The following HHAT variants were observed in gnomAD, a reference collection of about 807,000 sequenced individuals.
The protein encoded by HHAT is protein-cysteine N-palmitoyltransferase HHAT.
Under a neutral mutation model 70.8 loss-of-function variants are expected in HHAT, and 47 were observed. The ratio of observed to expected loss-of-function variants is 0.66; its 90% CI spans 0.53 to 0.85. The LOEUF is 0.85. Among genes scored for constraint, HHAT ranks in the 40% least tolerant of loss-of-function variants. The pLI is 0.00. For synonymous variants in HHAT, 228 were observed against 247.6 expected, an observed-to-expected ratio of 0.92 and a Z score of 0.74; for missense variants, 609 against 604.8, an observed-to-expected ratio of 1.01 and a Z score of -0.07.
At chr1:210,372,537 G>A (rs903427981) in intron 3 of HHAT, among the ~76,000 whole-genome samples, 1 of 152,124 alleles carries the variant, frequency 6.6e-6, no homozygotes, top group Admixed American at 6.6e-5. Flanking sequence ...CATTAGGTAG[G>A]GAAGTACAAA....
chr1:210,547,246 A>C (rs1034440287), intron 9 of HHAT, among the ~76,000 whole-genome samples: 3 of 152,160 alleles, frequency 2.0e-5, no homozygotes, highest in Non-Finnish European at 2.9e-5. Context: ...GAATTGCTTG[A>C]ACCCGGGAGG....
At chr1:210,559,855 G>A (rs2095605561) in intron 9 of HHAT, among the ~76,000 whole-genome samples, 1 of 152,326 alleles carries the variant, frequency 6.6e-6, no homozygotes, top group East Asian at 1.9e-4. Flanking sequence ...CAGTGTATCA[G>A]ACTCTATTAT....
chr1:210,435,706 G>T lies in HHAT; in HGVS notation c.856+17381G>T, dbSNP rs117174196. On this transcript the variant is annotated intron_variant, in intron 7 of 11. Transcript: ENST00000261458. ...CATTGTGGCTTTGATTTGCATTTCT[G>T]TAATGATTAGTTATGTTGAACACTT... Among the ~76,000 whole-genome samples the T allele has an allele frequency of 3.2e-4, 48 of 151,850 alleles. No homozygotes were observed. In the East Asian group the frequency reaches 8.7e-3, roughly 27 times the overall value.
At chr1:210,383,086 TC>T (rs1188972765) in intron 3 of HHAT, among the ~76,000 whole-genome samples, 1 of 152,118 alleles carries the variant, frequency 6.6e-6, no homozygotes, top group African/African-American at 2.4e-5. Flanking sequence ...ATGCCTGTAA[TC>T]CCAGCACTTT....
chr1:210,545,197 C>T (rs1303314850), intron 9 of HHAT, among the ~76,000 whole-genome samples: 3 of 152,140 alleles, frequency 2.0e-5, no homozygotes, highest in Non-Finnish European at 4.4e-5. Flanking sequence ...TAAAATTCTC[C>T]TTGTTCAGGC....
At chr1:210,377,020 A>T (rs2090279962) in intron 3 of HHAT, among the ~76,000 whole-genome samples, 1 of 152,218 alleles carries the variant, frequency 6.6e-6, no homozygotes, top group African/African-American at 2.4e-5. Context: ...TGTTCTGTAC[A>T]AATCAGCTTT....
At chr1:210,354,158 T>G (rs2087351888) in intron 2 of HHAT, among the ~76,000 whole-genome samples, 1 of 151,774 alleles carries the variant, frequency 6.6e-6, no homozygotes, top group Non-Finnish European at 1.5e-5. Context: ...GTATATGATG[T>G]GATATTTTTT....
At chr1:210,377,108 A>G (rs368896501) in intron 3 of HHAT, among the ~76,000 whole-genome samples, 1 of 152,184 alleles carries the variant, frequency 6.6e-6, no homozygotes, top group Non-Finnish European at 1.5e-5. Flanking sequence ...GTGGCCCCCA[A>G]CAGGCTGGGG....
At chr1:210,418,125 T>C (rs757275537) in intron 6 of HHAT, 29 bp from the exon 7 acceptor site, 2 of 1,611,714 alleles carry the variant, frequency 1.2e-6, no homozygotes, top group African/African-American at 1.3e-5. Context: ...CAAGGCACCA[T>C]CGAATGACCT....
chr1:210,332,357 AT>A (rs1189530903), intron 1 of HHAT, among the ~76,000 whole-genome samples: 1 of 152,268 alleles, frequency 6.6e-6, no homozygotes, highest in Non-Finnish European at 1.5e-5. Context: ...ATCTTCATGT[AT>A]ATCCTCCTGA....
chr1:210,366,902 C>G (rs2089039445), intron 3 of HHAT, among the ~76,000 whole-genome samples: 1 of 152,212 alleles, frequency 6.6e-6, no homozygotes, highest in Non-Finnish European at 1.5e-5. Context: ...GAAGCTCAAG[C>G]TGAGCTTGGT....
chr1:210,399,868 C>T (rs1357174500), intron 4 of HHAT, among the ~76,000 whole-genome samples: 1 of 152,088 alleles, frequency 6.6e-6, no homozygotes, highest in Non-Finnish European at 1.5e-5. Context: ...GCAAAGTCCT[C>T]AATAGCTCAT....
At chr1:210,454,083 C>T (rs866149970) in intron 7 of HHAT, among the ~76,000 whole-genome samples, 1 of 152,128 alleles carries the variant, frequency 6.6e-6, no homozygotes, top group African/African-American at 2.4e-5. Context: ...ACGAGAATAG[C>T]GTGGGAAAGA....
At chr1:210,480,640 T>G (rs763850991) in intron 8 of HHAT, among the ~76,000 whole-genome samples, 1 of 152,198 alleles carries the variant, frequency 6.6e-6, no homozygotes, top group Non-Finnish European at 1.5e-5. Flanking sequence ...CCTTGCTGTC[T>G]TGCACTTTCC....
chr1:210,553,324 C>T (rs778120441), intron 9 of HHAT, among the ~76,000 whole-genome samples: 11 of 152,274 alleles, frequency 7.2e-5, no homozygotes, highest in African/African-American at 1.7e-4. Flanking sequence ...GGTACCCTGC[C>T]GTTAGAGGCT....
chr1:210,329,672 G>A (rs2084814195), intron 1 of HHAT, among the ~76,000 whole-genome samples: 1 of 152,200 alleles, frequency 6.6e-6, no homozygotes, highest in Admixed American at 6.5e-5. Context: ...GATCAGGGTT[G>A]TAGGGCTAGG....
At chr1:210,401,546 G>C (rs2092074940) in intron 5 of HHAT, among the ~76,000 whole-genome samples, 1 of 152,246 alleles carries the variant, frequency 6.6e-6, no homozygotes, top group Non-Finnish European at 1.5e-5. Flanking sequence ...CATTTTGACA[G>C]ACTCAACCAC....
chr1:210,546,773 C>A (rs2095487515), intron 9 of HHAT, among the ~76,000 whole-genome samples: 1 of 152,074 alleles, frequency 6.6e-6, no homozygotes, highest in Admixed American at 6.6e-5. Context: ...AGGAGCAGAG[C>A]CTGAAGCTTC....
intron 2 of HHAT, among the ~76,000 whole-genome samples, chr1:210,349,711 T>C (rs10863821): frequency 0.5 from 75,310 of 150,452 alleles, 19,536 homozygotes; most frequent in Admixed American, 0.6. Flanking sequence ...AGAGCAATGG[T>C]ACCATCTCGG....
Sources: gnomAD v4.1 joint callset for allele counts (sites outside exome capture counted in the v4.1 genomes callset) on GRCh38, gnomAD v4.1.1 for gene constraint, MANE v1.5 for transcripts, NCBI Gene and HGNC (gene_info 2026-07-23, HGNC 2026-07-21) for gene names.